Variants in KCNU1 observed in about 807,000 individuals in gnomAD.
The protein encoded by KCNU1 is potassium calcium-activated channel subfamily U member 1, also known as potassium channel subfamily U member 1.
A neutral mutation model predicts 126.8 loss-of-function variants in KCNU1; 93 were observed. The observed-to-expected ratio is 0.73, with a 90% CI of 0.62 to 0.87. The LOEUF (loss-of-function observed/expected upper bound fraction) is 0.87, where lower values mean the gene tolerates loss of function less well. KCNU1 is among the 40% of genes least tolerant of loss of function. KCNU1 has a pLI of 0.00. For synonymous variants in KCNU1, 523 were observed against 494.2 expected, an observed-to-expected ratio of 1.06 and a Z score of -0.77; for missense variants, 1,330 against 1,367.1, an observed-to-expected ratio of 0.97 and a Z score of 0.43.
intron 22 of KCNU1, among the ~76,000 whole-genome samples, chr8:36,911,467 T>C (rs1045503282): frequency 3.3e-5 from 5 of 152,348 alleles, no homozygotes; most frequent in Middle Eastern, 3.4e-3. Flanking sequence ...GGTACCACTA[T>C]AGTTATTATT....
chr8:36,875,181 T>C (rs929937376), intron 19 of KCNU1, among the ~76,000 whole-genome samples: 6 of 152,014 alleles, frequency 3.9e-5, no homozygotes, highest in African/African-American at 1.4e-4. Context: ...GAAGAAATAT[T>C]TTAATGCATT....
chr8:36,799,460 G>C (rs527576255), intron 2 of KCNU1, among the ~76,000 whole-genome samples: 8 of 151,446 alleles, frequency 5.3e-5, no homozygotes, highest in South Asian at 2.1e-4. Context: ...TTTTTGGGAG[G>C]GGGGGCAGGG....
chr8:36,884,717 G>C (rs919081341), intron 19 of KCNU1, among the ~76,000 whole-genome samples: 1 of 151,936 alleles, frequency 6.6e-6, no homozygotes, highest in African/African-American at 2.4e-5. Context: ...GGGTAACAGA[G>C]CCTGGGTAAC....
chr8:36,903,385 C>T (rs186514108), intron 19 of KCNU1, among the ~76,000 whole-genome samples: 1 of 152,172 alleles, frequency 6.6e-6, no homozygotes, highest in Non-Finnish European at 1.5e-5. Context: ...TGTATTTCTC[C>T]CAAGATGTAG....
intron 18 of KCNU1, among the ~76,000 whole-genome samples, chr8:36,857,660 T>C (rs1005495706): frequency 6.6e-6 from 1 of 152,166 alleles, no homozygotes; most frequent in African/African-American, 2.4e-5. Flanking sequence ...TTGTTGTTGT[T>C]GTTGAGAAGG....
chr8:36,852,620 A>T (rs1470003278), intron 18 of KCNU1, among the ~76,000 whole-genome samples: 1 of 152,096 alleles, frequency 6.6e-6, no homozygotes, highest in Non-Finnish European at 1.5e-5. Flanking sequence ...TTTAATCCAC[A>T]TTATCAAATT....
chr8:36,925,951 G>A (rs1232389109), intron 24 of KCNU1, among the ~76,000 whole-genome samples: 1 of 152,086 alleles, frequency 6.6e-6, no homozygotes, highest in African/African-American at 2.4e-5. Flanking sequence ...GACCCCCAAG[G>A]CAGACATTGC....
intron 19 of KCNU1, among the ~76,000 whole-genome samples, chr8:36,870,729 C>T (rs771711498): frequency 6.6e-6 from 1 of 152,296 alleles, no homozygotes; most frequent in Middle Eastern, 3.4e-3. Flanking sequence ...CATAGGCTTT[C>T]CTATTTGAGT....
intron 2 of KCNU1, among the ~76,000 whole-genome samples, chr8:36,788,746 TGAA>T (rs556322458): frequency 6.6e-6 from 1 of 152,324 alleles, no homozygotes; most frequent in South Asian, 2.1e-4. Flanking sequence ...TATGACCCAT[TGAA>T]GAAGGATTTT....
chr8:36,808,519 C>G (rs1803589136), intron 6 of KCNU1, among the ~76,000 whole-genome samples, 199 bp from the exon 7 acceptor site: 1 of 152,012 alleles, frequency 6.6e-6, no homozygotes, highest in Admixed American at 6.6e-5. Context: ...GTATATGAAT[C>G]AAGCAGAGAA....
At chr8:36,838,754 G>A (rs968529133) in intron 14 of KCNU1, among the ~76,000 whole-genome samples, 3 of 152,056 alleles carry the variant, frequency 2.0e-5, no homozygotes, top group Non-Finnish European at 2.9e-5. Flanking sequence ...CCCCACTGAG[G>A]ATGATCACCT....
chr8:36,790,872 C>A (rs77106730), intron 2 of KCNU1, among the ~76,000 whole-genome samples: 2,616 of 151,906 alleles, frequency 0.017, 44 homozygotes, highest in Non-Finnish European at 0.027. Flanking sequence ...GAAAATCCCC[C>A]CAAATAGCAA....
At chr8:36,866,889 A>T (rs549600779) in intron 19 of KCNU1, among the ~76,000 whole-genome samples, 2 of 152,298 alleles carry the variant, frequency 1.3e-5, no homozygotes, top group African/African-American at 4.8e-5. Context: ...TCCCAATGCA[A>T]AGAAAGGGTT....
At chr8:36,825,899 T>C (rs1002198654) in intron 10 of KCNU1, among the ~76,000 whole-genome samples, 2 of 152,170 alleles carry the variant, frequency 1.3e-5, no homozygotes, top group African/African-American at 4.8e-5. Context: ...TATGAAGAAG[T>C]CTGTTGAATT....
intron 2 of KCNU1, among the ~76,000 whole-genome samples, chr8:36,799,598 A>C (rs1201912728): frequency 6.6e-6 from 1 of 151,426 alleles, no homozygotes; most frequent in Non-Finnish European, 1.5e-5. Flanking sequence ...GCAGTGGTGC[A>C]ATCTCGGCTC....
chr8:36,903,082 T>C (rs1807481986), intron 19 of KCNU1, among the ~76,000 whole-genome samples: 2 of 152,166 alleles, frequency 1.3e-5, no homozygotes, highest in Admixed American at 1.3e-4. Flanking sequence ...AATTACCCTC[T>C]CTGACTTTCC....
At chr8:36,927,371 C>A (rs748239266) in intron 24 of KCNU1, among the ~76,000 whole-genome samples, 25 of 152,094 alleles carry the variant, frequency 1.6e-4, no homozygotes, top group Non-Finnish European at 2.6e-4. Flanking sequence ...TGCCTTTAAT[C>A]CTCTCTCAGT....
At chr8:36,841,122 G>A (rs2130578104) in intron 16 of KCNU1, 119 bp downstream of exon 16, 1 of 700,074 alleles carries the variant, frequency 1.4e-6, no homozygotes, top group East Asian at 2.7e-5. Flanking sequence ...TTTTCCCTTT[G>A]GTGGATTGGC....
In KCNU1 at chr8:36,885,134, C is replaced by G. The variant is rs1329959564; in HGVS notation, c.2010-20574C>G. ...TGGATAAGGTATAGAATGAGAAACT[C>G]CTGGGGGCACACTTTGGAGGGTTTT... On this transcript the variant is annotated intron_variant, in intron 19 of 26. Coordinates refer to ENST00000399881, the MANE Select transcript of KCNU1 (RefSeq NM_001031836.3). Among the ~76,000 whole-genome samples the G allele has an allele frequency of 2.6e-5, 4 of 152,168 alleles. No homozygotes were observed. The East Asian group carries it at 5.8e-4, about 22-fold the overall frequency.
Sources: allele counts gnomAD v4.1 joint callset (sites outside exome capture counted in the v4.1 genomes callset), GRCh38; gene constraint gnomAD v4.1.1; transcripts MANE v1.5; gene names NCBI Gene and HGNC (gene_info 2026-07-23, HGNC 2026-07-21).